TMEM135: variants seen among roughly 807,000 people sequenced by gnomAD.
TMEM135 encodes the protein peroxisomal membrane protein 52.
A neutral mutation model predicts 60.3 loss-of-function variants in TMEM135; 30 were observed. The ratio of observed to expected loss-of-function variants is 0.50; its 90% CI spans 0.37 to 0.68. The LOEUF (loss-of-function observed/expected upper bound fraction) is 0.68. TMEM135 is among the 30% of genes least tolerant of loss of function. The pLI, the probability that TMEM135 is intolerant of heterozygous loss-of-function variation, is 0.00. For synonymous variants in TMEM135, 190 were observed against 186.7 expected (o/e 1.02, Z -0.14); for missense variants, 468 against 548.8 (o/e 0.85, Z 1.47).
intron 6 of TMEM135, among the ~76,000 whole-genome samples, chr11:87,281,320 C>G (rs1296449668): frequency 6.6e-6 from 1 of 152,034 alleles, no homozygotes; most frequent in Non-Finnish European, 1.5e-5. Context: ...AAATTTCTTT[C>G]AACATATATT....
intron 7 of TMEM135, among the ~76,000 whole-genome samples, chr11:87,300,919 C>T (rs551405005): frequency 7.6e-5 from 11 of 144,640 alleles, no homozygotes; most frequent in African/African-American, 2.8e-4. Flanking sequence ...ACAGTAAATC[C>T]TGTAAATGAA....
chr11:87,087,203 A>C (rs1161131975), intron 3 of TMEM135, among the ~76,000 whole-genome samples: 1 of 151,874 alleles, frequency 6.6e-6, no homozygotes, highest in Non-Finnish European at 1.5e-5. Context: ...GGCTGCTGAC[A>C]TGCCCAGATA....
chr11:87,319,410 A>ATTTTGGAAATAGTCATATTG lies in TMEM135; in HGVS notation c.1244+34_1244+35insTTTGGAAATAGTCATATTGT, dbSNP rs779782831. Reference sequence around the variant, plus strand: ...ACTACGTAGTTTTCTTAAAAATATTATGAGTGGTTTTATCTTTTTGAGGGA... The same window carrying ATTTTGGAAATAGTCATATTG: ...ACTACGTAGTTTTCTTAAAAATATTATTTTGGAAATAGTCATATTGTGAGTGGTTTTATCTTTTTGAGGGA... On this transcript the variant is annotated intron_variant, in intron 14 of 14. Transcript: ENST00000305494. The ATTTTGGAAATAGTCATATTG allele has an allele frequency of 4.1e-6, 6 of 1,475,948 alleles. No homozygotes were observed. The African/African-American group carries it at 4.2e-5, about 10-fold the overall frequency. The allele number at this position is 1,475,948 out of a possible 1,614,324, so 91.4% of individuals were successfully genotyped here.
intron 4 of TMEM135, among the ~76,000 whole-genome samples, chr11:87,122,741 G>A (rs186614916): frequency 2.6e-5 from 4 of 152,224 alleles, no homozygotes; most frequent in African/African-American, 4.8e-5. Flanking sequence ...GATTACAGGC[G>A]TGAGCCACCG....
At chr11:87,247,565 A>C (rs61906773) in intron 6 of TMEM135, among the ~76,000 whole-genome samples, 2 of 150,062 alleles carry the variant, frequency 1.3e-5, no homozygotes, top group Non-Finnish European at 3.0e-5. Context: ...AATGGCAGGC[A>C]CCCCTCCCCC....
chr11:87,207,304 A>G (rs903186160), intron 5 of TMEM135, among the ~76,000 whole-genome samples: 11 of 152,272 alleles, frequency 7.2e-5, no homozygotes, highest in African/African-American at 2.2e-4. Flanking sequence ...TGGTAAAATT[A>G]ATAATTCTGC....
chr11:87,307,411 G>T (rs1296367169), intron 9 of TMEM135, among the ~76,000 whole-genome samples: 1 of 150,418 alleles, frequency 6.6e-6, no homozygotes, highest in Non-Finnish European at 1.5e-5. Context: ...ATTGCTGGCA[G>T]TCCAAGTCAG....
chr11:87,175,974 T>C (rs1939356838), intron 5 of TMEM135, among the ~76,000 whole-genome samples: 1 of 152,222 alleles, frequency 6.6e-6, no homozygotes, highest in Non-Finnish European at 1.5e-5. Context: ...AATTTAACTT[T>C]ATACATATGT....
intron 4 of TMEM135, among the ~76,000 whole-genome samples, chr11:87,126,573 G>T (rs761954594): frequency 6.8e-6 from 1 of 147,110 alleles, no homozygotes; most frequent in African/African-American, 2.5e-5. Context: ...AGTGCTAAGG[G>T]TTTTGTTTTG....
intron 4 of TMEM135, among the ~76,000 whole-genome samples, chr11:87,117,644 T>C (rs2451062): frequency 0.48 from 72,466 of 152,004 alleles, 17,565 homozygotes; most frequent in East Asian, 0.67. Flanking sequence ...TCCAGCTTCA[T>C]TTCTAATTCT....
chr11:87,054,809 A>G lies in TMEM135; in HGVS notation c.142-12885A>G, dbSNP rs546745752. Reference sequence around the variant, plus strand: ...CACATGGGACAATTTTTTTTTTCAGACCCGTATGTCAGAAACTCTCAAGCA... The same window carrying G: ...CACATGGGACAATTTTTTTTTTCAGGCCCGTATGTCAGAAACTCTCAAGCA... On this transcript the variant is annotated intron_variant, in intron 1 of 14. Transcript: ENST00000305494. Among the ~76,000 whole-genome samples, 380 of 151,974 alleles carry G rather than the reference A, an allele frequency of 2.5e-3. 2 individuals are homozygous for G. Among genetic ancestry groups the G allele is most frequent in the African/African-American group, 8.8e-3 (365 of 41,500 alleles).
At chr11:87,175,336 A>G (rs1252188056) in intron 5 of TMEM135, among the ~76,000 whole-genome samples, 11 of 151,210 alleles carry the variant, frequency 7.3e-5, no homozygotes, top group Admixed American at 7.3e-4. Flanking sequence ...ACTGTGTTAT[A>G]TGCATTATTG....
chr11:87,071,058 C>T (rs1379444325), intron 2 of TMEM135, among the ~76,000 whole-genome samples: 1 of 152,152 alleles, frequency 6.6e-6, no homozygotes, highest in African/African-American at 2.4e-5. Flanking sequence ...GTTTGCATAG[C>T]CAGCAGGTTT....
chr11:87,174,999 G>C (rs1939332455), intron 5 of TMEM135, among the ~76,000 whole-genome samples: 1 of 152,066 alleles, frequency 6.6e-6, no homozygotes, highest in African/African-American at 2.4e-5. Flanking sequence ...GGGTGATAAA[G>C]CATTAAAAAA....
At chr11:87,086,567 C>T (rs943359875) in intron 3 of TMEM135, among the ~76,000 whole-genome samples, 40 of 151,096 alleles carry the variant, frequency 2.6e-4, no homozygotes, top group African/African-American at 9.2e-4. Flanking sequence ...GTTTTTTTTC[C>T]TCTCAGTGTG....
Position 87,038,016 on chromosome 11 carries a change from C to A in TMEM135, c.-30C>A, listed in dbSNP as rs779983417. On this transcript the variant is annotated 5_prime_UTR_variant, in exon 1 of 15. Transcript: ENST00000305494. ...CTCCCTGCAGGGCTCAGGCTCTCCC[C>A]CTCCTGTCTTCTCCGCGCTGTTCCT... is the stretch of plus-strand genomic sequence containing the variant. 7.4e-5 allele frequency: 119 copies of A among 1,613,146 alleles called. 5 individuals are homozygous for A. In the South Asian group the frequency reaches 1.2e-3, roughly 16 times the overall value.
intron 6 of TMEM135, among the ~76,000 whole-genome samples, chr11:87,289,293 T>C (rs894263942): frequency 6.6e-5 from 10 of 152,192 alleles, no homozygotes; most frequent in Admixed American, 5.2e-4. Flanking sequence ...GTCTTTGTAT[T>C]GGGAATATTC....
At chr11:87,318,292 A>C in intron 13 of TMEM135, 57 bp downstream of exon 13, 1 of 1,188,728 alleles carries the variant, frequency 8.4e-7, no homozygotes, top group Admixed American at 1.7e-5. Context: ...AATGTACGTT[A>C]ATCAAATGGG....
intron 4 of TMEM135, among the ~76,000 whole-genome samples, chr11:87,099,246 C>T (rs903770413): frequency 6.6e-6 from 1 of 151,912 alleles, no homozygotes; most frequent in African/African-American, 2.4e-5. Context: ...ATTGTGAATT[C>T]CTGGGAAAGA....
Sources: allele counts gnomAD v4.1 joint callset (sites outside exome capture counted in the v4.1 genomes callset), GRCh38; gene constraint gnomAD v4.1.1; transcripts MANE v1.5; gene names NCBI Gene and HGNC (gene_info 2026-07-23, HGNC 2026-07-21).